Variants in ARIH1 observed in about 807,000 individuals in gnomAD.
The protein encoded by ARIH1 is ariadne RBR E3 ubiquitin protein ligase 1.
ARIH1 carries 8 observed loss-of-function variants against 85.0 expected under a neutral mutation model. The ratio of observed to expected loss-of-function variants is 0.09; its 90% CI spans 0.06 to 0.17. The LOEUF (loss-of-function observed/expected upper bound fraction) is 0.17. ARIH1 is among the 10% of genes least tolerant of loss of function. The pLI is 1.00. For synonymous variants in ARIH1, 238 were observed against 253.6 expected, an observed-to-expected ratio of 0.94 and a Z score of 0.59; for missense variants, 311 against 718.1, an observed-to-expected ratio of 0.43 and a Z score of 6.48.
chr15:72,519,381 CACAT>C (rs2063988696), intron 2 of ARIH1, among the ~76,000 whole-genome samples: 1 of 150,408 alleles, frequency 6.6e-6, no homozygotes, highest in Non-Finnish European at 1.5e-5. Context: ...TCAAAACAAA[CACAT>C]ACTGTATAAA....
intron 2 of ARIH1, among the ~76,000 whole-genome samples, chr15:72,526,088 A>T (rs1417827445): frequency 6.6e-6 from 1 of 152,200 alleles, no homozygotes; most frequent in Non-Finnish European, 1.5e-5. Context: ...CGTATTTTTT[A>T]AAAATCGTGC....
Position 72,597,864 on chromosome 15 carries a change from A to G in ARIH1, c.*14572A>G, listed in dbSNP as rs1304214942. ...CCCCTGTAGTATTCCTCTTCCTACC[A>G]TAGTTCAACTAGGAATAACAACAGC... On this transcript the variant is annotated 3_prime_UTR_variant, in exon 14 of 14. Coordinates refer to ENST00000379887, the MANE Select transcript of ARIH1 (RefSeq NM_005744.5). 1.3e-5 allele frequency: 2 copies of G among 152,188 alleles called. No individual in the cohort carries two copies. The highest frequency in any genetic ancestry group is 2.4e-5 in the African/African-American group (1 of 41,438). The allele number at this position is 152,188 out of a possible 1,614,324, so 9.4% of individuals were successfully genotyped here.
intron 1 of ARIH1, chr15:72,496,734 G>A: frequency 1.1e-6 from 1 of 878,544 alleles, no homozygotes; most frequent in Non-Finnish European, 1.4e-6. Context: ...TTTATCAAGT[G>A]TGTCTCTTTG....
In ARIH1 at chr15:72,580,680, G is replaced by A. The variant is rs745669021; in HGVS notation, c.1216-51G>A. On this transcript the variant is annotated intron_variant, in intron 11 of 13. Transcript: ENST00000379887. ...TTTTAATTTGATAATCAGCTTTTAT[G>A]TACAGTTTATGTGTTATAATTATAT... 20 of 1,518,614 alleles carry A rather than the reference G, an allele frequency of 1.3e-5. 1 individual carries two copies. In the South Asian group the frequency reaches 1.5e-4, roughly 12 times the overall value. The allele number at this position is 1,518,614 out of a possible 1,614,324, so 94.1% of individuals were successfully genotyped here.
At chr15:72,510,610 G>A (rs941049677) in intron 1 of ARIH1, among the ~76,000 whole-genome samples, 25 of 151,348 alleles carry the variant, frequency 1.7e-4, no homozygotes, top group African/African-American at 5.6e-4. Flanking sequence ...GGTGGTGGGC[G>A]CCTGTATTCC....
At chr15:72,549,670 A>C (rs868169821) in intron 3 of ARIH1, among the ~76,000 whole-genome samples, 2 of 152,134 alleles carry the variant, frequency 1.3e-5, no homozygotes, top group African/African-American at 4.8e-5. Context: ...TAGAGGTTAT[A>C]TGGACAACTT....
intron 2 of ARIH1, among the ~76,000 whole-genome samples, chr15:72,520,911 A>T (rs1277421871): frequency 6.6e-6 from 1 of 151,734 alleles, no homozygotes; most frequent in Admixed American, 6.6e-5. Context: ...TGGTGAGATC[A>T]TGGCTCACTA....
chr15:72,561,675 C>A (rs1179259552), intron 6 of ARIH1, 126 bp downstream of exon 6: 2 of 618,678 alleles, frequency 3.2e-6, no homozygotes, highest in Non-Finnish European at 2.6e-6. Flanking sequence ...TGCCAAAATA[C>A]CTTTATTCTC....
intron 7 of ARIH1, 67 bp downstream of exon 7, chr15:72,563,567 G>A (rs546288579): frequency 7.3e-7 from 1 of 1,369,806 alleles, no homozygotes; most frequent in Non-Finnish European, 1.0e-6. Flanking sequence ...TTTATTCTTG[G>A]TAGTAAAATA....
intron 1 of ARIH1, among the ~76,000 whole-genome samples, chr15:72,502,460 C>T (rs981231770): frequency 6.6e-6 from 1 of 152,044 alleles, no homozygotes; most frequent in African/African-American, 2.4e-5. Flanking sequence ...TATAGGATTG[C>T]CAACAGTTAA....
chr15:72,489,821 G>T (rs186635457), intron 1 of ARIH1, among the ~76,000 whole-genome samples: 3 of 152,088 alleles, frequency 2.0e-5, no homozygotes, highest in Admixed American at 2.0e-4. Context: ...GTCAACCCTG[G>T]TATGGTTCAC....
intron 3 of ARIH1, among the ~76,000 whole-genome samples, chr15:72,554,008 C>T (rs1013878266): frequency 2.0e-5 from 3 of 152,104 alleles, no homozygotes; most frequent in African/African-American, 7.2e-5. Context: ...AGGAGAACAA[C>T]CTTGGAAACA....
At chr15:72,484,727 GTGTATATA>G (rs896449212) in intron 1 of ARIH1, among the ~76,000 whole-genome samples, 1 of 149,412 alleles carries the variant, frequency 6.7e-6, no homozygotes, top group Non-Finnish European at 1.5e-5. Flanking sequence ...ATGTATGTGT[GTGTATATA>G]TGTATATATA....
Position 72,587,086 on chromosome 15 carries a change from T to A in ARIH1, c.*3794T>A, listed in dbSNP as rs1310487696. 2.4e-6 allele frequency: 1 copy of A among 412,812 alleles called. No individual in the cohort carries two copies. Among genetic ancestry groups the A allele is most frequent in the East Asian group, 7.2e-5 (1 of 13,844 alleles). The allele number at this position is 412,812 out of a possible 1,614,324, so 25.6% of individuals were successfully genotyped here. A position where few individuals can be genotyped will look rare whatever the true frequency, so the allele number is the denominator to read the frequency against. ...TCTGTAATTATGGGAGTTTATCACTTTTCCTCTTCAAAGCACTTCAACTTA... is the reference window on the plus strand; with the variant it reads ...TCTGTAATTATGGGAGTTTATCACTATTCCTCTTCAAAGCACTTCAACTTA... On this transcript the variant is annotated 3_prime_UTR_variant, in exon 14 of 14. Coordinates refer to ENST00000379887, the MANE Select transcript of ARIH1 (RefSeq NM_005744.5).
intron 7 of ARIH1, 79 bp downstream of exon 7, chr15:72,563,579 C>T: frequency 7.9e-7 from 1 of 1,263,856 alleles, no homozygotes; most frequent in Non-Finnish European, 1.1e-6. Flanking sequence ...AGTAAAATAG[C>T]AGAAAAAAAG....
At chr15:72,489,026 T>C (rs531236743) in intron 1 of ARIH1, among the ~76,000 whole-genome samples, 5 of 152,282 alleles carry the variant, frequency 3.3e-5, no homozygotes, top group African/African-American at 1.2e-4. Flanking sequence ...GAGGATTACT[T>C]GAGTCCAGGA....
At chr15:72,536,316 C>T (rs1204528760) in intron 2 of ARIH1, among the ~76,000 whole-genome samples, 1 of 152,084 alleles carries the variant, frequency 6.6e-6, no homozygotes, top group Admixed American at 6.5e-5. Flanking sequence ...AGGCTGGTTC[C>T]GAACTCTGGG....
chr15:72,516,849 A>G (rs932417667), intron 1 of ARIH1, among the ~76,000 whole-genome samples: 85 of 152,352 alleles, frequency 5.6e-4, no homozygotes, highest in African/African-American at 2.0e-3. Flanking sequence ...GTTTTAGTCC[A>G]CAGAGATCTT....
chr15:72,520,195 A>G (rs1000367729), intron 2 of ARIH1, among the ~76,000 whole-genome samples: 1 of 152,224 alleles, frequency 6.6e-6, no homozygotes, highest in Non-Finnish European at 1.5e-5. Flanking sequence ...TGAACGTTTC[A>G]GTTTCTCCTT....
Sources: gnomAD v4.1 joint callset for allele counts (sites outside exome capture counted in the v4.1 genomes callset) on GRCh38, gnomAD v4.1.1 for gene constraint, MANE v1.5 for transcripts, NCBI Gene and HGNC (gene_info 2026-07-23, HGNC 2026-07-21) for gene names.